EPHA6: variants seen among roughly 807,000 people sequenced by gnomAD.
EPHA6 encodes the protein EPH receptor A6, also known as ephrin type-A receptor 6.
Under a neutral mutation model 112.0 loss-of-function variants are expected in EPHA6, and 50 were observed. The ratio of observed to expected loss-of-function variants is 0.45; its 90% CI spans 0.36 to 0.56. The LOEUF is 0.56. EPHA6 is among the 20% of genes least tolerant of loss of function. The pLI, the probability that EPHA6 is intolerant of heterozygous loss-of-function variation, is 0.00. For synonymous variants in EPHA6, 529 were observed against 490.7 expected, an observed-to-expected ratio of 1.08 and a Z score of -1.03; for missense variants, 1,280 against 1,417.4, an observed-to-expected ratio of 0.90 and a Z score of 1.56.
intron 14 of EPHA6, among the ~76,000 whole-genome samples, chr3:97,647,712 G>C (rs1200022370): frequency 1.3e-5 from 2 of 152,042 alleles, no homozygotes; most frequent in Non-Finnish European, 2.9e-5. Context: ...CTCCTGTCTG[G>C]TTATAATTTA....
chr3:97,009,988 T>G (rs1297884017), intron 3 of EPHA6: 4 of 841,214 alleles, frequency 4.8e-6, no homozygotes, highest in South Asian at 1.4e-5. Context: ...TATCATTGTT[T>G]TTTTTTTTTT....
chr3:97,705,841 G>A (rs2033649511), intron 14 of EPHA6, among the ~76,000 whole-genome samples: 1 of 152,108 alleles, frequency 6.6e-6, no homozygotes, highest in Non-Finnish European at 1.5e-5. Context: ...GATATCATTT[G>A]AAGATGATAT....
intron 5 of EPHA6, among the ~76,000 whole-genome samples, chr3:97,305,421 T>A (rs142322969): frequency 0.018 from 2,706 of 152,132 alleles, 71 homozygotes; most frequent in African/African-American, 0.059. Context: ...TGCACATGTA[T>A]GTTCATTACA....
chr3:97,383,258 G>T (rs1441570783), intron 5 of EPHA6, among the ~76,000 whole-genome samples: 1 of 152,068 alleles, frequency 6.6e-6, no homozygotes, highest in African/African-American at 2.4e-5. Context: ...CCTGGAAAAG[G>T]AGTAATTGCA....
At chr3:97,610,188 A>G (rs2093708318) in intron 12 of EPHA6, among the ~76,000 whole-genome samples, 1 of 151,736 alleles carries the variant, frequency 6.6e-6, no homozygotes, top group South Asian at 2.1e-4. Flanking sequence ...TCTATGTCCA[A>G]TGAAGACATA....
intron 1 of EPHA6, among the ~76,000 whole-genome samples, chr3:96,815,465 C>G (rs1335389793): frequency 7.6e-6 from 1 of 131,822 alleles, no homozygotes; most frequent in South Asian, 2.2e-4. Flanking sequence ...CCCCACCCCT[C>G]CGGTGACTGC....
intron 5 of EPHA6, among the ~76,000 whole-genome samples, chr3:97,253,823 TGG>T (rs2079216333): frequency 6.6e-6 from 1 of 152,152 alleles, no homozygotes; most frequent in African/African-American, 2.4e-5. Context: ...ATATAAATAG[TGG>T]ATGTTTGGCC....
At chr3:97,232,544 T>C (rs1157651661) in intron 4 of EPHA6, among the ~76,000 whole-genome samples, 1 of 152,204 alleles carries the variant, frequency 6.6e-6, no homozygotes. Context: ...TCATCTGATA[T>C]TGTTAGCAGT....
At chr3:97,308,106 G>A (rs373465937) in intron 5 of EPHA6, among the ~76,000 whole-genome samples, 7 of 151,320 alleles carry the variant, frequency 4.6e-5, no homozygotes, top group East Asian at 3.9e-4. Flanking sequence ...CTCATCAGTC[G>A]TCACCTCTTG....
intron 6 of EPHA6, among the ~76,000 whole-genome samples, chr3:97,429,489 T>C (rs1342948572): frequency 6.6e-6 from 1 of 152,146 alleles, no homozygotes; most frequent in South Asian, 2.1e-4. Context: ...TAACAGTAAA[T>C]ATATTTTGTT....
chr3:96,866,050 T>C (rs148124803), intron 1 of EPHA6, among the ~76,000 whole-genome samples: 1,807 of 152,106 alleles, frequency 0.012, 24 homozygotes, highest in Middle Eastern at 0.02. Flanking sequence ...AAAAATCTTA[T>C]CATATCTGAT....
At chr3:97,125,475 T>C (rs78606618) in intron 3 of EPHA6, among the ~76,000 whole-genome samples, 2,042 of 152,246 alleles carry the variant, frequency 0.013, 41 homozygotes, top group African/African-American at 0.044. Flanking sequence ...ACTATACATA[T>C]TTTGGATTTC....
intron 2 of EPHA6, among the ~76,000 whole-genome samples, chr3:96,932,647 G>GAGAGAC (rs2040383006): frequency 6.6e-6 from 1 of 152,182 alleles, no homozygotes; most frequent in South Asian, 2.1e-4. Flanking sequence ...AGCCAGACAG[G>GAGAGAC]AGAGACAGTG....
intron 3 of EPHA6, among the ~76,000 whole-genome samples, chr3:97,015,532 C>A (rs995693688): frequency 2.0e-5 from 3 of 152,032 alleles, no homozygotes; most frequent in Non-Finnish European, 4.4e-5. Flanking sequence ...AGGGGAAAAA[C>A]CCATTAAAAC....
intron 10 of EPHA6, among the ~76,000 whole-genome samples, chr3:97,514,108 A>G (rs996794033): frequency 6.6e-6 from 1 of 152,298 alleles, no homozygotes; most frequent in East Asian, 1.9e-4. Context: ...ATTATTTTGC[A>G]TTTCTCAAAG....
At position 97,750,063 on chromosome 3, in the gene EPHA6, G is replaced by A. The variant is rs138984201; in HGVS notation, c.*1362G>A. ...AGCTGAGTTGGCTTATCAAAATTGT[G>A]CTATATCTTATGAACAAATTAAATT... On this transcript the variant is annotated 3_prime_UTR_variant, in exon 18 of 18. Transcript: ENST00000389672. Among the ~76,000 whole-genome samples the A allele has an allele frequency of 7.9e-5, 12 of 152,182 alleles. No homozygotes were observed. Among genetic ancestry groups the A allele is most frequent in the Admixed American group, 5.9e-4 (9 of 15,284 alleles).
chr3:96,935,724 AT>A (rs1311212506), intron 2 of EPHA6, among the ~76,000 whole-genome samples: 3 of 144,518 alleles, frequency 2.1e-5, no homozygotes, highest in Admixed American at 6.9e-5. Flanking sequence ...TTATATATAC[AT>A]TATATATATA....
chr3:96,932,257 C>T (rs1347427620), intron 2 of EPHA6, among the ~76,000 whole-genome samples: 1 of 152,176 alleles, frequency 6.6e-6, no homozygotes, highest in Non-Finnish European at 1.5e-5. Flanking sequence ...CCTTTCATTC[C>T]TCTATGTGAG....
At chr3:97,157,510 G>A (rs995988019) in intron 3 of EPHA6, among the ~76,000 whole-genome samples, 13 of 151,568 alleles carry the variant, frequency 8.6e-5, no homozygotes, top group Admixed American at 5.9e-4. Flanking sequence ...ACCTTCTGTC[G>A]AGAGAGAGAG....
Sources: allele counts gnomAD v4.1 joint callset (sites outside exome capture counted in the v4.1 genomes callset), GRCh38; gene constraint gnomAD v4.1.1; transcripts MANE v1.5; gene names NCBI Gene and HGNC (gene_info 2026-07-23, HGNC 2026-07-21).